The following MSH3 variants were observed in gnomAD, a reference collection of about 807,000 sequenced individuals.
The protein encoded by MSH3 is DNA mismatch repair protein Msh3.
A neutral mutation model predicts 123.3 loss-of-function variants in MSH3; 106 were observed. The ratio of observed to expected loss-of-function variants is 0.86; its 90% confidence interval spans 0.73 to 1.01. The LOEUF is 1.01. Ranked by LOEUF, MSH3 falls within the 50% of genes least tolerant of loss-of-function variation. The pLI is 0.00. For missense variants in MSH3, 1,459 were observed against 1,347.6 expected (o/e 1.08, Z -1.29); for synonymous variants, 515 against 481.4 (o/e 1.07, Z -0.91).
At chr5:80,819,259 C>G (rs1745158493) in intron 20 of MSH3, among the ~76,000 whole-genome samples, 1 of 151,210 alleles carries the variant, frequency 6.6e-6, no homozygotes, top group East Asian at 1.9e-4. Context: ...AACATTGGCC[C>G]AATAATGAGA....
intron 20 of MSH3, among the ~76,000 whole-genome samples, chr5:80,833,066 A>G (rs1315646212): frequency 6.6e-6 from 1 of 152,206 alleles, no homozygotes; most frequent in Non-Finnish European, 1.5e-5. Flanking sequence ...AACTGACCCA[A>G]AAAAGTACTA....
chr5:80,742,262 G>C (rs935971855), intron 11 of MSH3, among the ~76,000 whole-genome samples: 1 of 152,082 alleles, frequency 6.6e-6, no homozygotes. Context: ...CACCTGCCTC[G>C]GCCTCCCAAA....
At chr5:80,856,398 A>T (rs956461806) in intron 21 of MSH3, among the ~76,000 whole-genome samples, 1 of 151,714 alleles carries the variant, frequency 6.6e-6, no homozygotes, top group Non-Finnish European at 1.5e-5. Context: ...CATGTCCTTT[A>T]TAGGGACATG....
intron 10 of MSH3, among the ~76,000 whole-genome samples, chr5:80,737,747 A>G (rs1041391108): frequency 6.6e-5 from 10 of 152,154 alleles, no homozygotes; most frequent in African/African-American, 1.9e-4. Flanking sequence ...GAAGACTCCA[A>G]CTCCAGAATA....
At chr5:80,701,701 C>T (rs1434272394) in intron 8 of MSH3, among the ~76,000 whole-genome samples, 1 of 152,188 alleles carries the variant, frequency 6.6e-6, no homozygotes, top group Non-Finnish European at 1.5e-5. Context: ...GCTTATCTCC[C>T]AGCCTTTGTG....
intron 8 of MSH3, among the ~76,000 whole-genome samples, chr5:80,691,840 CAT>C (rs1052139346): frequency 1.4e-5 from 2 of 144,778 alleles, no homozygotes; most frequent in African/African-American, 2.5e-5. Flanking sequence ...GATAAATAAA[CAT>C]GTATATATTT....
intron 12 of MSH3, among the ~76,000 whole-genome samples, chr5:80,755,501 A>G (rs1005451687): frequency 2.6e-5 from 4 of 152,200 alleles, no homozygotes; most frequent in Admixed American, 2.0e-4. Flanking sequence ...ATCGGTCTTC[A>G]AAAATGCCAT....
chr5:80,836,902 T>A (rs1745524801), intron 20 of MSH3, among the ~76,000 whole-genome samples: 3 of 152,170 alleles, frequency 2.0e-5, no homozygotes, highest in Admixed American at 2.0e-4. Context: ...GGATGAATTT[T>A]ATGCTATGTC....
intron 12 of MSH3, among the ~76,000 whole-genome samples, chr5:80,760,124 A>C (rs1294378220): frequency 6.6e-6 from 1 of 152,170 alleles, no homozygotes; most frequent in Non-Finnish European, 1.5e-5. Flanking sequence ...ATGTCAACAG[A>C]ATTTTGAGAG....
intron 20 of MSH3, among the ~76,000 whole-genome samples, chr5:80,846,186 T>C (rs1292070772): frequency 6.6e-6 from 1 of 152,152 alleles, no homozygotes; most frequent in Non-Finnish European, 1.5e-5. Context: ...TGGGGTTTGC[T>C]GGAGGTCCAC....
chr5:80,694,001 T>C (rs1445670384), intron 8 of MSH3, among the ~76,000 whole-genome samples: 1 of 152,124 alleles, frequency 6.6e-6, no homozygotes, highest in Non-Finnish European at 1.5e-5. Flanking sequence ...TAGTATGGAA[T>C]TGGCATATGG....
chr5:80,757,414 A>T (rs1303300374), intron 12 of MSH3, among the ~76,000 whole-genome samples: 1 of 152,136 alleles, frequency 6.6e-6, no homozygotes, highest in Non-Finnish European at 1.5e-5. Context: ...TCCATCACTG[A>T]CAATAGCTAT....
chr5:80,682,508 A>C (rs972028565), intron 8 of MSH3, among the ~76,000 whole-genome samples: 21 of 152,230 alleles, frequency 1.4e-4, no homozygotes, highest in African/African-American at 5.1e-4. Context: ...TCACAAGATC[A>C]GGAGTTCGAG....
intron 19 of MSH3, among the ~76,000 whole-genome samples, chr5:80,811,844 A>G (rs893432631): frequency 6.6e-6 from 1 of 152,182 alleles, no homozygotes; most frequent in Non-Finnish European, 1.5e-5. Flanking sequence ...GATCATGCCA[A>G]TATTTGATTG....
intron 8 of MSH3, among the ~76,000 whole-genome samples, chr5:80,680,472 T>C (rs1008127718): frequency 6.6e-6 from 1 of 151,620 alleles, no homozygotes; most frequent in Admixed American, 6.6e-5. Flanking sequence ...CCAGAGAAAA[T>C]GACTGTTAAA....
In MSH3 at chr5:80,730,894, A is replaced by ATTT. The variant is rs59224150; in HGVS notation, c.1568+1940_1568+1942dup. On this transcript the variant is annotated intron_variant, in intron 10 of 23. Transcript: ENST00000265081. ...GTCCTCCTCATATATATATATATAT[A>ATTT]TTTTTTTTTTTTTCTTTTTTTTTTT... Among the ~76,000 whole-genome samples, 194 of 127,768 alleles carry ATTT rather than the reference A, an allele frequency of 1.5e-3. No homozygotes were observed. In the East Asian group the frequency reaches 0.015, roughly 10 times the overall value. 83.8% of individuals were successfully genotyped at this position (127,768 alleles called of 152,430 possible). A position where few individuals can be genotyped will look rare whatever the true frequency, so the allele number is the denominator to read the frequency against.
intron 20 of MSH3, among the ~76,000 whole-genome samples, chr5:80,827,852 T>A (rs888122329): frequency 6.6e-6 from 1 of 152,214 alleles, no homozygotes; most frequent in Non-Finnish European, 1.5e-5. Context: ...GATACTGTTG[T>A]AGTAGGTATG....
At position 80,859,955 on chromosome 5, in the gene MSH3, T is replaced by A. The variant is rs143240475; in HGVS notation, c.3001-4858T>A. On this transcript the variant is annotated intron_variant, in intron 21 of 23. Transcript: ENST00000265081. ...AGTGGTTGTCCTGGAGTTTGCAATA[T>A]ACGTTTGCAACTAATCCAAGTCTAC... Among the ~76,000 whole-genome samples the A allele has an allele frequency of 5.0e-4, 76 of 152,312 alleles. 2 individuals carry two copies. The highest frequency in any genetic ancestry group is 1.7e-3 in the African/African-American group (71 of 41,570).
At chr5:80,850,265 C>A (rs371076769) in intron 20 of MSH3, among the ~76,000 whole-genome samples, 4 of 152,202 alleles carry the variant, frequency 2.6e-5, no homozygotes, top group African/African-American at 4.8e-5. Context: ...GACTTTCTCA[C>A]ATTTTCCTGT....
Sources: gnomAD v4.1 joint callset for allele counts (sites outside exome capture counted in the v4.1 genomes callset) on GRCh38, gnomAD v4.1.1 for gene constraint, MANE v1.5 for transcripts, NCBI Gene and HGNC (gene_info 2026-07-23, HGNC 2026-07-21) for gene names.